Variants in BTBD1 observed in about 807,000 individuals in gnomAD.
The protein encoded by BTBD1 is BTB/POZ domain-containing protein 1.
In BTBD1, 34 loss-of-function variants were observed where a neutral mutation model predicts 48.0. The observed-to-expected ratio is 0.71, with a 90% CI of 0.54 to 0.94. BTBD1 has a LOEUF of 0.94. Ranked by LOEUF, BTBD1 falls within the 40% of genes least tolerant of loss-of-function variation. The pLI is 0.00. For synonymous variants in BTBD1, 261 were observed against 242.1 expected (o/e 1.08, Z -0.72); for missense variants, 543 against 625.6 (o/e 0.87, Z 1.41).
At chr15:83,051,877 T>TATACACACACACAC (rs1555441191) in intron 2 of BTBD1, among the ~76,000 whole-genome samples, 5,431 of 138,796 alleles carry the variant, frequency 0.039, 131 homozygotes, top group Non-Finnish European at 0.05. Context: ...TCCATATATA[T>TATACACACACACAC]ACACACACAC....
intron 3 of BTBD1, among the ~76,000 whole-genome samples, chr15:83,042,347 T>TA (rs1261940913): frequency 2.3e-4 from 21 of 90,282 alleles, no homozygotes; most frequent in African/African-American, 4.7e-4. Flanking sequence ...ATTAGGCAAT[T>TA]TTATATATAT....
chr15:83,027,443 G>C lies in BTBD1; in HGVS notation c.1055+2693C>G, dbSNP rs546030754. ...AGAGTTTGGAAGTGTTAAGTGACTT[G>C]TCTGAGGCTGCCCCACTAAGAGGTG... On this transcript the variant is annotated intron_variant, in intron 5 of 7. Coordinates refer to ENST00000261721, the MANE Select transcript of BTBD1 (RefSeq NM_025238.4). Among the ~76,000 whole-genome samples the C allele has an allele frequency of 5.9e-5, 9 of 152,270 alleles. No homozygotes were observed. In the East Asian group the frequency reaches 1.7e-3, roughly 29 times the overall value.
chr15:83,044,399 G>A (rs2032833536), intron 3 of BTBD1: 2 of 1,556,894 alleles, frequency 1.3e-6, no homozygotes, highest in Admixed American at 3.6e-5. Flanking sequence ...GGAGGAAGAT[G>A]GCGCCTGGTG....
chr15:83,018,128 C>T lies in BTBD1; in HGVS notation c.1388G>A (p.Gly463Asp), dbSNP rs1596418375. The change falls in exon 8 of 8, where the codon GGC becomes GAC. Residue 463 changes from glycine (G) to aspartate (D), a missense_variant. By Grantham distance (94) the Gly-to-Asp change is moderately conservative. Transcript: ENST00000261721. ...TTCTATTGAAGTGCCATTATTATTG[C>T]CAGGGGAACTAAAAAAGAAAAAAAC... The part of the protein sequence containing the change: ...KTVFFFFSSP[G>D]NNNGTSIEDG... The T allele has an allele frequency of 6.2e-7, 1 of 1,610,616 alleles. No individual in the cohort carries two copies. Among genetic ancestry groups the T allele is most frequent in the Non-Finnish European group, 8.5e-7 (1 of 1,178,162 alleles).
intron 1 of BTBD1, among the ~76,000 whole-genome samples, chr15:83,060,956 T>C (rs1490067510): frequency 2.0e-5 from 3 of 152,216 alleles, no homozygotes; most frequent in Admixed American, 6.5e-5. Context: ...GCAGGCACTG[T>C]AATAGTGCTA....
At chr15:83,026,907 G>A (rs1304438299) in intron 5 of BTBD1, among the ~76,000 whole-genome samples, 1 of 152,168 alleles carries the variant, frequency 6.6e-6, no homozygotes, top group Non-Finnish European at 1.5e-5. Context: ...CTCATTATCT[G>A]TGGAAGTTAT....
chr15:83,018,866 A>C lies in BTBD1; in HGVS notation c.1144-13T>G. 1 of 1,607,648 alleles carries C rather than the reference A, an allele frequency of 6.2e-7. No homozygotes were observed. On this transcript the variant is annotated splice_polypyrimidine_tract_variant and intron_variant, in intron 6 of 7. Coordinates refer to ENST00000261721, the MANE Select transcript of BTBD1 (RefSeq NM_025238.4). Reference sequence around the variant, plus strand: ...CATATTCAATGATCTGTAATTTTTAAGAGACAAGTTACATTTAAGTTAAAC... The same window carrying C: ...CATATTCAATGATCTGTAATTTTTACGAGACAAGTTACATTTAAGTTAAAC...
At chr15:83,035,374 G>A (rs957045026) in intron 4 of BTBD1, among the ~76,000 whole-genome samples, 2 of 151,934 alleles carry the variant, frequency 1.3e-5, no homozygotes, top group Non-Finnish European at 2.9e-5. Context: ...AAATTTCAAA[G>A]CATTGAAATG....
intron 4 of BTBD1, chr15:83,030,609 C>G (rs1036539463): frequency 2.4e-5 from 7 of 296,338 alleles, no homozygotes; most frequent in African/African-American, 1.5e-4. Context: ...TCACCTTATA[C>G]AAAAATCAAC....
chr15:83,020,790 ATAAT>A (rs2032280246), intron 5 of BTBD1, 28 bp from the exon 6 acceptor site: 7 of 1,360,610 alleles, frequency 5.1e-6, no homozygotes, highest in Non-Finnish European at 7.3e-6. Flanking sequence ...AAAATAAAAT[ATAAT>A]TAATCCCATG....
At chr15:83,036,980 T>G (rs2032642270) in intron 4 of BTBD1, among the ~76,000 whole-genome samples, 1 of 152,150 alleles carries the variant, frequency 6.6e-6, no homozygotes, top group African/African-American at 2.4e-5. Flanking sequence ...GTTAAATAAG[T>G]ATGTTCACTT....
rs184702459 is a variant in BTBD1, at chr15:83,017,475, T to C, written c.*592A>G. The C allele has an allele frequency of 2.6e-5, 4 of 152,808 alleles. No individual in the cohort carries two copies. In the East Asian group the frequency reaches 5.8e-4, roughly 22 times the overall value. The allele number at this position is 152,808 out of a possible 1,614,324, so 9.5% of individuals were successfully genotyped here. On this transcript the variant is annotated 3_prime_UTR_variant, in exon 8 of 8. Coordinates refer to ENST00000261721, the MANE Select transcript of BTBD1 (RefSeq NM_025238.4). ...ACTATACTACTACAAAATATCCTTC[T>C]CTATAAATGCACTGAATATTTTCTT...
intron 3 of BTBD1, among the ~76,000 whole-genome samples, chr15:83,042,365 T>C (rs1383154694): frequency 8.1e-6 from 1 of 123,294 alleles, no homozygotes; most frequent in South Asian, 2.3e-4. Flanking sequence ...TATATATATA[T>C]ATATATATAT....
At chr15:83,031,903 A>G (rs146029822) in intron 4 of BTBD1, among the ~76,000 whole-genome samples, 11 of 152,332 alleles carry the variant, frequency 7.2e-5, no homozygotes, top group African/African-American at 2.6e-4. Flanking sequence ...GAATGGCCAT[A>G]ATTAAAAAAT....
Position 83,067,084 on chromosome 15 carries a change from G to T in BTBD1, c.68C>A (p.Ala23Glu). The change falls in exon 1 of 8, where the codon GCG becomes GAG. Residue 23 changes from alanine to glutamate, a missense_variant. Ala to Glu is a moderately radical substitution (Grantham distance 107, BLOSUM62 -1). Transcript: ENST00000261721. ...ASGAEAEPGP[A>E]GPPPPPSPSS... ...CGGTGAGGGCGGCGGCGGCGGCCCCGCGGGGCCCGGCTCCGCCTCAGCCCC... is the reference window on the plus strand; with the variant it reads ...CGGTGAGGGCGGCGGCGGCGGCCCCTCGGGGCCCGGCTCCGCCTCAGCCCC... The T allele has an allele frequency of 6.5e-7, 1 of 1,528,674 alleles. No homozygotes were observed. Among genetic ancestry groups the T allele is most frequent in the Non-Finnish European group, 8.7e-7 (1 of 1,144,044 alleles). 94.7% of individuals were successfully genotyped at this position (1,528,674 alleles called of 1,614,324 possible). A position where few individuals can be genotyped will look rare whatever the true frequency, so the allele number is the denominator to read the frequency against.
In BTBD1 at chr15:83,018,664, C is replaced by T. The variant is rs759894123; in HGVS notation, c.1290+43G>A. On this transcript the variant is annotated intron_variant, in intron 7 of 7. Coordinates refer to ENST00000261721, the MANE Select transcript of BTBD1 (RefSeq NM_025238.4). ...AGCTTCTAAAACACACATTCTGCAA[C>T]ATTCAAGAGGAAACCATCTGGAACA... 3 of 1,596,560 alleles carry T rather than the reference C, an allele frequency of 1.9e-6. No homozygotes were observed. In the East Asian group the frequency reaches 6.7e-5, roughly 36 times the overall value.
chr15:83,021,742 AAATAAT>A (rs57670003), intron 5 of BTBD1, among the ~76,000 whole-genome samples: 19 of 145,410 alleles, frequency 1.3e-4, no homozygotes, highest in Non-Finnish European at 1.6e-4. Flanking sequence ...ACTCCTTCTC[AAATAAT>A]AATAATAATA....
intron 1 of BTBD1, among the ~76,000 whole-genome samples, chr15:83,064,847 T>C (rs1312216671): frequency 6.6e-6 from 1 of 152,228 alleles, no homozygotes; most frequent in Non-Finnish European, 1.5e-5. Flanking sequence ...ACCTGGATTT[T>C]AGCTTTTGAG....
intron 1 of BTBD1, among the ~76,000 whole-genome samples, chr15:83,062,087 G>GGGTT (rs1330558032): frequency 1.3e-5 from 2 of 152,162 alleles, no homozygotes; most frequent in Non-Finnish European, 2.9e-5. Flanking sequence ...TTAGTAATTA[G>GGGTT]GGTTGAAACA....
Sources: allele counts gnomAD v4.1 joint callset (sites outside exome capture counted in the v4.1 genomes callset), GRCh38; gene constraint gnomAD v4.1.1; transcripts MANE v1.5; gene names NCBI Gene and HGNC (gene_info 2026-07-23, HGNC 2026-07-21).